DMD: variants seen among roughly 807,000 people sequenced by gnomAD.
The protein encoded by DMD is mutant dystrophin.
DMD carries 63 observed loss-of-function variants against 330.1 expected under a neutral mutation model. That is an observed-to-expected ratio of 0.19 (90% CI 0.16 to 0.24). The LOEUF (loss-of-function observed/expected upper bound fraction) is 0.24, where lower values mean the gene tolerates loss of function less well. Among genes scored for constraint, DMD ranks in the 10% least tolerant of loss-of-function variants. The probability of loss-of-function intolerance (pLI) is 1.00; values close to 1 mark genes in which losing one functional copy is unlikely to be tolerated. For missense variants in DMD, 3,344 were observed against 2,684.1 expected (o/e 1.25, Z -5.43); for synonymous variants, 1,223 against 959.8 (o/e 1.27, Z -5.07).
At chrX:31,758,791 T>C (rs779010414) in intron 51 of DMD, among the ~76,000 whole-genome samples, 149 of 112,240 alleles carry the variant, frequency 1.3e-3, no homozygotes, top group African/African-American at 4.7e-3. Flanking sequence ...ATGACTGTTA[T>C]TTTGACTGAT....
intron 62 of DMD, among the ~76,000 whole-genome samples, chrX:31,289,631 C>A (rs984984578): frequency 1.8e-5 from 2 of 110,292 alleles, no homozygotes; most frequent in Admixed American, 1.9e-4. Context: ...TGGTTTGAAC[C>A]TGGGCTCTAA....
At chrX:33,319,656 T>C (rs992318682) in intron 1 of DMD, among the ~76,000 whole-genome samples, 1 of 112,250 alleles carries the variant, frequency 8.9e-6, no homozygotes, top group African/African-American at 3.2e-5. Context: ...TTTACTATCA[T>C]CGTCATAGAC....
chrX:31,286,883 G>C (rs994761318), intron 62 of DMD, among the ~76,000 whole-genome samples: 2 of 112,307 alleles, frequency 1.8e-5, no homozygotes, highest in African/African-American at 6.5e-5. Flanking sequence ...TCATAACTCA[G>C]CCTGGGATTA....
intron 7 of DMD, among the ~76,000 whole-genome samples, chrX:32,730,620 G>A (rs905704869): frequency 1.4e-4 from 16 of 112,053 alleles, no homozygotes; most frequent in African/African-American, 5.2e-4. Flanking sequence ...AAGACTAAAA[G>A]AAAGGACAGG....
chrX:31,870,337 G>C (rs1446292723), intron 48 of DMD, among the ~76,000 whole-genome samples: 1 of 111,543 alleles, frequency 9.0e-6, no homozygotes, highest in Non-Finnish European at 1.9e-5. Context: ...TCAAGGACTT[G>C]GGAGCTAGCA....
chrX:32,887,915 C>T (rs993208908), intron 2 of DMD, among the ~76,000 whole-genome samples: 5 of 109,113 alleles, frequency 4.6e-5, no homozygotes, highest in African/African-American at 6.7e-5. Context: ...GGAAATAATC[C>T]CTTTTCAGGT....
chrX:31,856,433 T>C (rs199651901), intron 48 of DMD, among the ~76,000 whole-genome samples: 1 of 111,911 alleles, frequency 8.9e-6, no homozygotes, highest in Non-Finnish European at 1.9e-5. Flanking sequence ...AACGGGCACA[T>C]TGATTGTTTG....
At chrX:31,762,856 T>G (rs1301670273) in intron 51 of DMD, among the ~76,000 whole-genome samples, 1 of 112,639 alleles carries the variant, frequency 8.9e-6, no homozygotes, top group Non-Finnish European at 1.9e-5. Context: ...TGATTGTTTT[T>G]GCATCGATGC....
chrX:31,201,858 AT>A (rs1166282856), intron 67 of DMD, among the ~76,000 whole-genome samples: 1 of 112,385 alleles, frequency 8.9e-6, no homozygotes, highest in East Asian at 2.8e-4. Context: ...ATCCCTATAT[AT>A]GAACACGTGT....
At chrX:32,895,756 G>A (rs541045747) in intron 2 of DMD, among the ~76,000 whole-genome samples, 41 of 111,471 alleles carry the variant, frequency 3.7e-4, no homozygotes, top group Non-Finnish European at 6.4e-4. Flanking sequence ...TTCTAATTGA[G>A]GGTGGTAGAG....
rs778145106 is a variant in DMD at position 32,441,253 on chromosome X, T to C, written c.3848A>G (p.Asn1283Ser). ...SYLEKANKWL[N>S]EVEFKLKTTE... ...GGTTTTAAGTTTAAATTCTACTTCA[T>C]TTAGCCACTTGTTTGCTTTCTCCAA... Residue 1283 changes from asparagine to serine, a missense_variant, in exon 28 of 79, where the codon AAT becomes AGT. By Grantham distance (46) the Asn-to-Ser change is conservative. Transcript: ENST00000357033. 9.9e-6 allele frequency: 12 copies of C among 1,207,303 alleles called. No homozygotes were observed. In the Admixed American group the frequency reaches 1.5e-4, roughly 15 times the overall value.
chrX:32,052,861 C>T (rs2096127940), intron 44 of DMD, among the ~76,000 whole-genome samples: 1 of 111,155 alleles, frequency 9.0e-6, no homozygotes, highest in Middle Eastern at 4.7e-3. Context: ...GTCATAGGCC[C>T]TTTAATTACG....
At chrX:31,900,309 G>A (rs2094404558) in intron 47 of DMD, among the ~76,000 whole-genome samples, 1 of 111,367 alleles carries the variant, frequency 9.0e-6, no homozygotes, top group Non-Finnish European at 1.9e-5. Flanking sequence ...GAGGGACCCA[G>A]TGGGAGGTAA....
intron 43 of DMD, among the ~76,000 whole-genome samples, chrX:32,233,561 A>G (rs2097176042): frequency 9.0e-6 from 1 of 110,854 alleles, no homozygotes; most frequent in Non-Finnish European, 1.9e-5. Flanking sequence ...GAATATATAG[A>G]GCATTCCCAA....
chrX:31,402,576 G>A (rs1213263090), intron 60 of DMD, among the ~76,000 whole-genome samples: 2 of 111,872 alleles, frequency 1.8e-5, no homozygotes, highest in East Asian at 5.6e-4. Context: ...TCCAGTTGGT[G>A]AAAAGCAAAG....
chrX:31,988,425 G>T (rs2095525280), intron 44 of DMD, among the ~76,000 whole-genome samples: 1 of 80,408 alleles, frequency 1.2e-5, no homozygotes, highest in African/African-American at 5.1e-5. Context: ...AGTGAGCCGA[G>T]ATCATGCCAC....
At chrX:32,492,288 A>T (rs1401062808) in intron 19 of DMD, among the ~76,000 whole-genome samples, 2 of 112,382 alleles carry the variant, frequency 1.8e-5, no homozygotes, top group Admixed American at 1.9e-4. Context: ...CAGTGAGCGG[A>T]GATCGCGCCA....
chrX:32,395,799 A>T (rs1404800148), intron 30 of DMD, among the ~76,000 whole-genome samples: 1 of 111,153 alleles, frequency 9.0e-6, no homozygotes, highest in African/African-American at 3.3e-5. Context: ...GTGTGTGCTT[A>T]ATTTAATGGG....
At chrX:32,562,048 A>G (rs757295585) in intron 16 of DMD, among the ~76,000 whole-genome samples, 1 of 111,825 alleles carries the variant, frequency 8.9e-6, no homozygotes, top group Non-Finnish European at 1.9e-5. Context: ...ATATATATCG[A>G]TCAGGGCCAA....
Sources: allele counts gnomAD v4.1 joint callset (sites outside exome capture counted in the v4.1 genomes callset), GRCh38; gene constraint gnomAD v4.1.1; transcripts MANE v1.5; gene names NCBI Gene and HGNC (gene_info 2026-07-23, HGNC 2026-07-21).